The following PCDH9 variants were observed in gnomAD, a reference collection of about 807,000 sequenced individuals.
PCDH9 encodes protocadherin-9.
A neutral mutation model predicts 70.6 loss-of-function variants in PCDH9; 24 were observed. The observed-to-expected ratio is 0.34, with a 90% CI of 0.25 to 0.48. The LOEUF is 0.48. PCDH9 is among the 20% of genes least tolerant of loss of function. The pLI is 0.99. For synonymous variants in PCDH9, 562 were observed against 558.5 expected, an observed-to-expected ratio of 1.01 and a Z score of -0.09; for missense variants, 1,281 against 1,503.6, an observed-to-expected ratio of 0.85 and a Z score of 2.45.
intron 2 of PCDH9, among the ~76,000 whole-genome samples, chr13:67,068,108 T>A (rs2085687132): frequency 6.6e-6 from 1 of 152,124 alleles, no homozygotes; most frequent in South Asian, 2.1e-4. Flanking sequence ...GCTTTCTAAC[T>A]ATACAGGGTA....
intron 4 of PCDH9, among the ~76,000 whole-genome samples, chr13:66,498,534 A>C (rs1293175837): frequency 6.6e-6 from 1 of 152,142 alleles, no homozygotes; most frequent in African/African-American, 2.4e-5. Context: ...TGACTTCCTC[A>C]ATATCCCTGT....
chr13:66,508,550 G>A lies in PCDH9; in HGVS notation c.3340+122660C>T, dbSNP rs998646642. ...AACGGACCATTACTTTGAAACACGG[G>A]TGATGTCGAATACATTTCAAAACAC... is the stretch of plus-strand genomic sequence containing the variant. On this transcript the variant is annotated intron_variant, in intron 4 of 4. Coordinates refer to ENST00000377865, the MANE Select transcript of PCDH9 (RefSeq NM_203487.3). Among the ~76,000 whole-genome samples the A allele has an allele frequency of 2.0e-5, 3 of 152,256 alleles. No individual in the cohort carries two copies. In the East Asian group the frequency reaches 5.8e-4, roughly 29 times the overall value.
chr13:67,111,511 G>A (rs1310329177), intron 2 of PCDH9, among the ~76,000 whole-genome samples: 1 of 152,148 alleles, frequency 6.6e-6, no homozygotes, highest in Non-Finnish European at 1.5e-5. Context: ...GATTCATCAC[G>A]AAAATAGTTA....
chr13:66,398,454 G>A (rs1957139284), intron 4 of PCDH9, among the ~76,000 whole-genome samples: 1 of 151,912 alleles, frequency 6.6e-6, no homozygotes, highest in Non-Finnish European at 1.5e-5. Context: ...TTGAGGACTT[G>A]ATTTGTCTAT....
At chr13:66,660,687 C>T (rs1036969238) in intron 3 of PCDH9, among the ~76,000 whole-genome samples, 1 of 151,900 alleles carries the variant, frequency 6.6e-6, no homozygotes, top group Non-Finnish European at 1.5e-5. Context: ...ATTAGTAGTA[C>T]ATTATAAATA....
In PCDH9 at chr13:66,903,516, T is replaced by C; in HGVS notation, c.3126A>G (p.Glu1042=). ...ATATATGGCATACCTCGTAATGGCTTTCTTCATTCTCCTGAATGTGGAAAC... is the reference window on the plus strand; with the variant it reads ...ATATATGGCATACCTCGTAATGGCTCTCTTCATTCTCCTGAATGTGGAAAC... ...STGFHIQENE[E]SHYESQRRVT... Residue 1042 remains glutamate (E), a synonymous_variant, in exon 3 of 5, where the codon GAA becomes GAG. Transcript: ENST00000377865. 2.0e-6 allele frequency: 3 copies of C among 1,485,766 alleles called. No homozygotes were observed. The highest frequency in any genetic ancestry group is 2.8e-6 in the Non-Finnish European group (3 of 1,064,652). The allele number at this position is 1,485,766 out of a possible 1,614,324, so 92.0% of individuals were successfully genotyped here.
chr13:67,042,820 A>C (rs2085147817), intron 2 of PCDH9, among the ~76,000 whole-genome samples: 1 of 152,188 alleles, frequency 6.6e-6, no homozygotes, highest in Non-Finnish European at 1.5e-5. Flanking sequence ...TCTAAGCGAA[A>C]CATGGAATGA....
At chr13:66,779,873 ATGTGTGTGTG>A (rs35090227) in intron 3 of PCDH9, among the ~76,000 whole-genome samples, 178 of 115,838 alleles carry the variant, frequency 1.5e-3, no homozygotes, top group Non-Finnish European at 2.0e-3. Flanking sequence ...ATATACATAT[ATGTGTGTGTG>A]TGTGTGTGTG....
intron 4 of PCDH9, among the ~76,000 whole-genome samples, chr13:66,403,718 A>G (rs1228068210): frequency 1.3e-5 from 2 of 152,182 alleles, no homozygotes; most frequent in Admixed American, 1.3e-4. Context: ...AATCAGAGCA[A>G]TAAAGCCATC....
chr13:67,161,839 C>A (rs2087970782), intron 2 of PCDH9, among the ~76,000 whole-genome samples: 1 of 152,178 alleles, frequency 6.6e-6, no homozygotes, highest in Non-Finnish European at 1.5e-5. Context: ...AGTCTCCCAA[C>A]TACAGATATT....
chr13:66,536,169 C>G (rs1244526003), intron 4 of PCDH9, among the ~76,000 whole-genome samples: 1 of 151,994 alleles, frequency 6.6e-6, no homozygotes, highest in Non-Finnish European at 1.5e-5. Flanking sequence ...GGTTGTAGGA[C>G]AAGTATTACT....
chr13:66,809,079 C>G (rs1594088488), intron 3 of PCDH9, among the ~76,000 whole-genome samples: 1 of 152,298 alleles, frequency 6.6e-6, no homozygotes, highest in East Asian at 1.9e-4. Flanking sequence ...TCCTGAGTAG[C>G]TGGGACTACA....
chr13:66,537,058 C>G (rs1462324886), intron 4 of PCDH9, among the ~76,000 whole-genome samples: 3 of 152,094 alleles, frequency 2.0e-5, no homozygotes, highest in Admixed American at 1.3e-4. Flanking sequence ...GCTGTTTTGA[C>G]AAATAGACCT....
At chr13:66,450,878 C>A (rs556272279) in intron 4 of PCDH9, among the ~76,000 whole-genome samples, 4 of 152,016 alleles carry the variant, frequency 2.6e-5, no homozygotes, top group Non-Finnish European at 5.9e-5. Flanking sequence ...ATTAGCCAGG[C>A]GTGGTGGCGG....
At chr13:66,780,832 C>T (rs970775016) in intron 3 of PCDH9, among the ~76,000 whole-genome samples, 2 of 152,140 alleles carry the variant, frequency 1.3e-5, no homozygotes, top group African/African-American at 2.4e-5. Flanking sequence ...GTATCTAGCA[C>T]GTGGTAGGTA....
chr13:66,683,743 C>G (rs993794148), intron 3 of PCDH9, among the ~76,000 whole-genome samples: 1 of 152,122 alleles, frequency 6.6e-6, no homozygotes, highest in African/African-American at 2.4e-5. Context: ...CAGAGCCAGC[C>G]AGCTTAATCT....
At chr13:66,996,163 T>A (rs2084110228) in intron 2 of PCDH9, 1 of 152,108 alleles carries the variant, frequency 6.6e-6, no homozygotes, top group Non-Finnish European at 1.5e-5. Context: ...TCAGAAGAGG[T>A]TTCATTAAGA....
chr13:66,981,818 A>G (rs1162720670), intron 2 of PCDH9, among the ~76,000 whole-genome samples: 1 of 152,234 alleles, frequency 6.6e-6, no homozygotes, highest in Non-Finnish European at 1.5e-5. Context: ...AATACTGAAG[A>G]GCAAAGTTGA....
intron 3 of PCDH9, among the ~76,000 whole-genome samples, chr13:66,720,594 T>C (rs930573545): frequency 6.6e-6 from 1 of 152,072 alleles, no homozygotes; most frequent in African/African-American, 2.4e-5. Context: ...ACCACTAAAA[T>C]CCTAATGAAA....
Sources: allele counts gnomAD v4.1 joint callset (sites outside exome capture counted in the v4.1 genomes callset), GRCh38; gene constraint gnomAD v4.1.1; transcripts MANE v1.5; gene names NCBI Gene and HGNC (gene_info 2026-07-23, HGNC 2026-07-21).